Variants in DLX6 observed in about 807,000 individuals in gnomAD.
DLX6 encodes the protein homeobox protein DLX-6.
DLX6 carries 4 observed loss-of-function variants against 33.5 expected under a neutral mutation model. The ratio of observed to expected loss-of-function variants is 0.12; its 90% confidence interval spans 0.06 to 0.27. DLX6 has a LOEUF of 0.27. Among genes scored for constraint, DLX6 ranks in the 10% least tolerant of loss-of-function variants. DLX6 has a pLI of 1.00. For missense variants in DLX6, 382 were observed against 393.3 expected, an observed-to-expected ratio of 0.97 and a Z score of 0.24; for synonymous variants, 184 against 164.8, an observed-to-expected ratio of 1.12 and a Z score of -0.89.
At chr7:97,006,511 C>A in intron 1 of DLX6, 98 bp downstream of exon 1, 1 of 1,200,798 alleles carries the variant, frequency 8.3e-7, no homozygotes, top group Middle Eastern at 3.2e-4. Context: ...TCCGCCGGCC[C>A]CCTCCCCCAG....
chr7:97,007,451 CAAG>C, intron 1 of DLX6, 184 bp from the exon 2 acceptor site: 1 of 664,290 alleles, frequency 1.5e-6, no homozygotes, highest in South Asian at 1.7e-5. Context: ...GGGACTGGGT[CAAG>C]GAGATTACGC....
chr7:97,006,477 G>GCTCA (rs1268266134), intron 1 of DLX6, 64 bp downstream of exon 1: 5 of 1,018,790 alleles, frequency 4.9e-6, no homozygotes, highest in African/African-American at 1.8e-5. Context: ...CCGCCCGCCC[G>GCTCA]CTCACTTCCT....
chr7:97,010,690 A>G lies in DLX6; in HGVS notation c.*643A>G, dbSNP rs1210921745. On this transcript the variant is annotated 3_prime_UTR_variant, in exon 3 of 3. Transcript: ENST00000518156. ...AACAGCCCTTCTCTAAAGAAAAAGG[A>G]AAAAGTGGCTGTAAGATTAGAACAT... The G allele has an allele frequency of 6.6e-6, 1 of 152,642 alleles. No homozygotes were observed. Among genetic ancestry groups the G allele is most frequent in the African/African-American group, 2.4e-5 (1 of 41,442 alleles). The allele number at this position is 152,642 out of a possible 1,614,324, so 9.5% of individuals were successfully genotyped here. A position where few individuals can be genotyped will look rare whatever the true frequency, so the allele number is the denominator to read the frequency against.
rs1789814943 is a variant in DLX6 at position 97,010,059 on chromosome 7, G to A, written c.*12G>A. On this transcript the variant is annotated 3_prime_UTR_variant, in exon 3 of 3. Coordinates refer to ENST00000518156, the MANE Select transcript of DLX6 (RefSeq NM_005222.4). Reference sequence around the variant, plus strand: ...CACAGATGATGTGAGTTGCCCAAGGGAACACCCTAGGGAAACGTCTGAACA... The same window carrying A: ...CACAGATGATGTGAGTTGCCCAAGGAAACACCCTAGGGAAACGTCTGAACA... 1 of 1,578,314 alleles carries A rather than the reference G, an allele frequency of 6.3e-7. No individual in the cohort carries two copies. The highest frequency in any genetic ancestry group is 8.6e-7 in the Non-Finnish European group (1 of 1,161,798).
intron 2 of DLX6, 98 bp downstream of exon 2, chr7:97,007,929 G>C: frequency 8.1e-7 from 1 of 1,241,108 alleles, no homozygotes; most frequent in Non-Finnish European, 1.1e-6. Flanking sequence ...AGTCAACCAA[G>C]GATGGAAGGA....
chr7:97,006,524 G>A, intron 1 of DLX6, 111 bp downstream of exon 1: 1 of 1,149,070 alleles, frequency 8.7e-7, no homozygotes, highest in Non-Finnish European at 1.1e-6. Context: ...TCCCCCAGGC[G>A]GCCCCGCGCG....
chr7:97,009,539 A>AT (rs745816076), intron 2 of DLX6, among the ~76,000 whole-genome samples: 54 of 152,116 alleles, frequency 3.5e-4, no homozygotes, highest in Non-Finnish European at 6.2e-4. Context: ...GTTGTTTTAA[A>AT]CCTACGCTAG....
At position 97,006,114 on chromosome 7, in the gene DLX6, C is replaced by CGCT. The variant is rs2115865141; in HGVS notation, c.139_140insTGC (p.Pro46_Pro47insLeu). ...CAGCAGCAGCAACAGCAACAGCCGCCGCCGCCGCCGCCGCCGCCGCCGCAG... is the reference window on the plus strand; with the variant it reads ...CAGCAGCAGCAACAGCAACAGCCGCCGCTGCCGCCGCCGCCGCCGCCGCCGCAG... On this transcript the variant is annotated inframe_insertion, in exon 1 of 3. Coordinates refer to ENST00000518156, the MANE Select transcript of DLX6 (RefSeq NM_005222.4). The CGCT allele has an allele frequency of 6.7e-7, 1 of 1,494,124 alleles. No homozygotes were observed. Among genetic ancestry groups the CGCT allele is most frequent in the South Asian group, 1.2e-5 (1 of 80,664 alleles). 92.6% of individuals were successfully genotyped at this position (1,494,124 alleles called of 1,614,324 possible).
chr7:97,009,924 A>T lies in DLX6; in HGVS notation c.759A>T (p.Pro253=). The change falls in exon 3 of 3, where the codon CCA becomes CCT. Residue 253 remains proline (P), a synonymous_variant. Transcript: ENST00000518156. The part of the protein sequence containing the change: ...ALSPRSPALP[P]VWDVSASAKG... The stretch of plus-strand genomic sequence containing the variant: ...CGCCACGCTCGCCAGCGCTGCCTCC[A>T]GTCTGGGACGTTTCTGCCTCGGCCA... The T allele has an allele frequency of 6.2e-7, 1 of 1,613,974 alleles. No homozygotes were observed.
Position 97,007,452 on chromosome 7 carries a change from A to G in DLX6, c.437-186A>G, listed in dbSNP as rs1789761116. ...CATTGTTCGGGCCAGGGACTGGGTC[A>G]AGGAGATTACGCAGACGCTGGGAGC... On this transcript the variant is annotated intron_variant, in intron 1 of 2. Coordinates refer to ENST00000518156, the MANE Select transcript of DLX6 (RefSeq NM_005222.4). 1.4e-5 allele frequency: 9 copies of G among 665,576 alleles called. No individual in the cohort carries two copies. In the Admixed American group the frequency reaches 2.0e-4, roughly 15 times the overall value. 41.2% of individuals were successfully genotyped at this position (665,576 alleles called of 1,614,324 possible). A position where few individuals can be genotyped will look rare whatever the true frequency, so the allele number is the denominator to read the frequency against.
In DLX6 at chr7:97,006,280, G is replaced by A. The variant is rs528954859; in HGVS notation, c.303G>A (p.Ala101=). Residue 101 remains alanine, a synonymous_variant, in exon 1 of 3, where the codon GCG becomes GCA. Transcript: ENST00000518156. ...HQHHHHGSPY[A]SGGGNSYNHR... ...ACCACCACCACGGCTCGCCCTACGC[G>A]TCGGGCGGAGGGAACTCCTACAACC... 16 of 1,530,052 alleles carry A rather than the reference G, an allele frequency of 1.0e-5. 2 individuals are homozygous for A. The East Asian group carries it at 3.9e-4, about 37-fold the overall frequency. The allele number at this position is 1,530,052 out of a possible 1,614,324, so 94.8% of individuals were successfully genotyped here.
rs1413123497 is a variant in DLX6 at position 97,006,238 on chromosome 7, C to G, written c.261C>G (p.His87Gln). The change falls in exon 1 of 3, where the codon CAC becomes CAG. Residue 87 changes from histidine to glutamine, a missense_variant. This residue lies in a region of DLX6 where 257 missense variants were observed against 206.9 expected (regional missense o/e 1.24). Coordinates refer to ENST00000518156, the MANE Select transcript of DLX6 (RefSeq NM_005222.4). Reference sequence around the variant, plus strand: ...CGGCGGCAGCGGCCGGCTCGCACCACCACCACCACCACCAGCACCACCACC... The same window carrying G: ...CGGCGGCAGCGGCCGGCTCGCACCAGCACCACCACCACCAGCACCACCACC... ...AAAAAAAGSHHHHHHQHHHHG... is the reference protein window; with the variant it reads ...AAAAAAAGSHQHHHHQHHHHG... 4.6e-6 allele frequency: 7 copies of G among 1,518,280 alleles called. No homozygotes were observed. Among genetic ancestry groups the G allele is most frequent in the East Asian group, 2.7e-5 (1 of 37,288 alleles). The allele number at this position is 1,518,280 out of a possible 1,614,324, so 94.1% of individuals were successfully genotyped here.
chr7:97,007,071 A>AG (rs1223122681), intron 1 of DLX6: 1 of 167,028 alleles, frequency 6.0e-6, no homozygotes, highest in East Asian at 1.7e-4. Context: ...TCAGCACCCG[A>AG]GGGGGACAAA....
intron 1 of DLX6, 151 bp downstream of exon 1, chr7:97,006,564 C>CGCCTGGCGCCT: frequency 2.9e-6 from 2 of 694,788 alleles, no homozygotes; most frequent in Non-Finnish European, 3.8e-6. Context: ...CGCGCCCGCT[C>CGCCTGGCGCCT]GCCTGGCGCC....
At position 97,006,173 on chromosome 7, in the gene DLX6, G is replaced by T. The variant is rs773678569; in HGVS notation, c.196G>T (p.Gly66Cys). 54 of 1,543,482 alleles carry T rather than the reference G, an allele frequency of 3.5e-5. No individual in the cohort carries two copies. The highest frequency in any genetic ancestry group is 4.6e-5 in the Non-Finnish European group (52 of 1,141,618). ...HSQQSSPAMAGAHYPLHCLHS... is the reference protein window; with the variant it reads ...HSQQSSPAMACAHYPLHCLHS... Reference sequence around the variant, plus strand: ...GCAGCAGAGCTCCCCGGCCATGGCAGGCGCGCACTACCCTCTGCACTGCCT... The same window carrying T: ...GCAGCAGAGCTCCCCGGCCATGGCATGCGCGCACTACCCTCTGCACTGCCT... The change falls in exon 1 of 3, where the codon GGC becomes TGC. Residue 66 changes from glycine to cysteine, a missense_variant. Gly to Cys is a radical substitution (Grantham distance 159). Coordinates refer to ENST00000518156, the MANE Select transcript of DLX6 (RefSeq NM_005222.4).
At position 97,005,843 on chromosome 7, in the gene DLX6, CTTTTTTTTTTTTTTT is replaced by C; in HGVS notation, c.-125_-111del. The C allele has an allele frequency of 4.5e-6, 1 of 224,592 alleles. No homozygotes were observed. The highest frequency in any genetic ancestry group is 4.4e-5 in the South Asian group (1 of 22,684). 13.9% of individuals were successfully genotyped at this position (224,592 alleles called of 1,614,324 possible). ...CCACCTCCACCCCCCTCTTTAAATTCTTTTTTTTTTTTTTTTTTTTTTTTGCAAGGATCCAAAGAG... is the reference window on the plus strand; with the variant it reads ...CCACCTCCACCCCCCTCTTTAAATTCTTTTTTTTTGCAAGGATCCAAAGAG... On this transcript the variant is annotated 5_prime_UTR_variant, in exon 1 of 3. Transcript: ENST00000518156.
At chr7:97,007,316 T>C in intron 1 of DLX6, 1 of 586,192 alleles carries the variant, frequency 1.7e-6, no homozygotes. Context: ...CCCGGACAGC[T>C]GCCGCCTTGC....
intron 1 of DLX6, chr7:97,007,149 T>G: frequency 4.4e-6 from 1 of 228,322 alleles, no homozygotes. Context: ...GTTTGAGGAT[T>G]TGGTCCTCCT....
Position 97,005,682 on chromosome 7 carries a change from A to G in DLX6, c.-296A>G, listed in dbSNP as rs1789690720. The G allele has an allele frequency of 5.4e-6, 1 of 185,232 alleles. No individual in the cohort carries two copies. Among genetic ancestry groups the G allele is most frequent in the Non-Finnish European group, 1.1e-5 (1 of 90,924 alleles). 11.5% of individuals were successfully genotyped at this position (185,232 alleles called of 1,614,324 possible). A position where few individuals can be genotyped will look rare whatever the true frequency, so the allele number is the denominator to read the frequency against. ...AAGGGGGGAAAGCAGGCGGGGGGAG[A>G]GCAGATTCCCCCCTCCCCCTCTCCT... On this transcript the variant is annotated 5_prime_UTR_variant, in exon 1 of 3. Transcript: ENST00000518156.
Sources: gnomAD v4.1 joint callset for allele counts (sites outside exome capture counted in the v4.1 genomes callset) on GRCh38, gnomAD v4.1.1 for gene constraint, gnomAD v4.1.1 regional missense constraint, MANE v1.5 for transcripts, NCBI Gene and HGNC (gene_info 2026-07-23, HGNC 2026-07-21) for gene names.